Variants in MAPRE3 observed in about 807,000 individuals in gnomAD.
The protein encoded by MAPRE3 is microtubule-associated protein RP/EB family member 3.
In MAPRE3, 2 loss-of-function variants were observed where a neutral mutation model predicts 30.5. The observed-to-expected ratio is 0.07, with a 90% CI of 0.03 to 0.21. The LOEUF is 0.21. Among genes scored for constraint, MAPRE3 ranks in the 10% least tolerant of loss-of-function variants. The probability of loss-of-function intolerance (pLI) is 1.00; values close to 1 mark genes in which losing one functional copy is unlikely to be tolerated. For synonymous variants in MAPRE3, 110 were observed against 127.7 expected (o/e 0.86, Z 0.93); for missense variants, 204 against 351.8 (o/e 0.58, Z 3.36).
chr2:27,018,267 C>T (rs1396051137), intron 1 of MAPRE3, among the ~76,000 whole-genome samples: 1 of 152,220 alleles, frequency 6.6e-6, no homozygotes, highest in Non-Finnish European at 1.5e-5. Flanking sequence ...CACTCTGCCC[C>T]AGGGGCCTCA....
intron 1 of MAPRE3, among the ~76,000 whole-genome samples, chr2:26,993,354 G>A (rs1666389287): frequency 6.6e-6 from 1 of 152,130 alleles, no homozygotes; most frequent in Non-Finnish European, 1.5e-5. Context: ...TGGGCAACAA[G>A]AGTGGAACTC....
intron 1 of MAPRE3, chr2:26,996,883 G>C (rs1160462197): frequency 6.6e-6 from 1 of 152,172 alleles, no homozygotes; most frequent in Non-Finnish European, 1.5e-5. Flanking sequence ...TGGAGGGAAA[G>C]TATCTAGTGA....
chr2:27,009,033 C>G (rs1184064728), intron 1 of MAPRE3, among the ~76,000 whole-genome samples: 1 of 151,338 alleles, frequency 6.6e-6, no homozygotes, highest in East Asian at 1.9e-4. Flanking sequence ...TCTGTGGTGG[C>G]CAGGGGATAG....
chr2:27,022,605 T>G, intron 2 of MAPRE3: 2 of 430,816 alleles, frequency 4.6e-6, no homozygotes, highest in Admixed American at 8.0e-5. Flanking sequence ...AGCATGTTTC[T>G]GTACTAAATA....
chr2:26,996,157 TTTTA>T (rs1666455828), intron 1 of MAPRE3, among the ~76,000 whole-genome samples: 1 of 149,212 alleles, frequency 6.7e-6, no homozygotes, highest in African/African-American at 2.5e-5. Context: ...TTTTATTTTA[TTTTA>T]TTTATTTTTG....
At chr2:26,975,824 A>G (rs543147647) in intron 1 of MAPRE3, among the ~76,000 whole-genome samples, 3 of 152,256 alleles carry the variant, frequency 2.0e-5, no homozygotes, top group African/African-American at 7.2e-5. Flanking sequence ...GACAGCTTCA[A>G]GCAGGCCCAG....
intron 1 of MAPRE3, among the ~76,000 whole-genome samples, chr2:26,981,629 T>C (rs932926893): frequency 1.3e-5 from 2 of 152,192 alleles, no homozygotes; most frequent in Admixed American, 1.3e-4. Flanking sequence ...AGCTGTGCCT[T>C]CCGGGTGTGG....
chr2:26,991,545 T>C (rs573430406), intron 1 of MAPRE3, among the ~76,000 whole-genome samples: 1 of 152,318 alleles, frequency 6.6e-6, no homozygotes, highest in East Asian at 1.9e-4. Context: ...CTACTCCAGT[T>C]CTATCAGCTG....
chr2:26,975,573 G>A (rs1167719654), intron 1 of MAPRE3, among the ~76,000 whole-genome samples: 1 of 152,170 alleles, frequency 6.6e-6, no homozygotes, highest in Non-Finnish European at 1.5e-5. Flanking sequence ...GAAAAGAAAC[G>A]CAATAATGTT....
chr2:27,011,606 G>T (rs1266024284), intron 1 of MAPRE3, among the ~76,000 whole-genome samples: 2 of 152,142 alleles, frequency 1.3e-5, no homozygotes, highest in African/African-American at 4.8e-5. Flanking sequence ...AGCACTTTGG[G>T]AGGCTGAGGC....
chr2:27,001,587 G>C (rs886253221), intron 1 of MAPRE3, among the ~76,000 whole-genome samples: 3 of 152,164 alleles, frequency 2.0e-5, no homozygotes, highest in African/African-American at 7.2e-5. Context: ...AACATAGAAA[G>C]GGTACGGTGA....
At chr2:27,000,069 T>TA (rs1442979022) in intron 1 of MAPRE3, among the ~76,000 whole-genome samples, 1 of 152,196 alleles carries the variant, frequency 6.6e-6, no homozygotes, top group Non-Finnish European at 1.5e-5. Flanking sequence ...TGTTGGTTCT[T>TA]AAAAAATGAC....
chr2:27,022,200 C>A lies in MAPRE3; in HGVS notation c.-7-12C>A. 6.2e-7 allele frequency: 1 copy of A among 1,612,752 alleles called. No homozygotes were observed. Among genetic ancestry groups the A allele is most frequent in the Non-Finnish European group, 8.5e-7 (1 of 1,179,770 alleles). ...CCCCAGTGCTGACCTCACCTTTCTT[C>A]TTGCTTTCCAGCTGGGGTATGGCCG... On this transcript the variant is annotated splice_polypyrimidine_tract_variant and intron_variant, in intron 1 of 6. Transcript: ENST00000233121.
chr2:26,972,499 C>G (rs574220413), intron 1 of MAPRE3, among the ~76,000 whole-genome samples: 1 of 152,148 alleles, frequency 6.6e-6, no homozygotes. Flanking sequence ...TCTTCTGTTT[C>G]GAATGCCAGA....
intron 1 of MAPRE3, among the ~76,000 whole-genome samples, chr2:26,997,603 G>A (rs145530066): frequency 4.0e-4 from 61 of 152,262 alleles, no homozygotes; most frequent in African/African-American, 1.4e-3. Flanking sequence ...GGGAATGCTC[G>A]CTGTTGCTGT....
rs113726096 is a variant in MAPRE3 at position 26,995,991 on chromosome 2, C to T, written c.-8+25189C>T. ...TCATATCTGCCTATCGCCTCTATTC[C>T]TTGTTATCCTCATCAATCTATTTGG... On this transcript the variant is annotated intron_variant, in intron 1 of 6. Coordinates refer to ENST00000233121, the MANE Select transcript of MAPRE3 (RefSeq NM_012326.4). 2.9e-3 allele frequency among the ~76,000 whole-genome samples: 437 copies of T among 151,954 alleles called. 2 individuals are homozygous for T. The highest frequency in any genetic ancestry group is 5.0e-3 in the Non-Finnish European group (341 of 67,950).
intron 1 of MAPRE3, among the ~76,000 whole-genome samples, chr2:27,009,015 G>A (rs1666792051): frequency 6.6e-6 from 1 of 152,004 alleles, no homozygotes; most frequent in Admixed American, 6.6e-5. Context: ...AGAGTAATGG[G>A]GAACAGGTCT....
chr2:27,011,216 A>G (rs1217459875), intron 1 of MAPRE3, among the ~76,000 whole-genome samples: 1 of 151,352 alleles, frequency 6.6e-6, no homozygotes, highest in East Asian at 1.9e-4. Flanking sequence ...AGAATTTCCC[A>G]TTTTCTCCTC....
At chr2:26,973,811 T>A (rs1238433774) in intron 1 of MAPRE3, among the ~76,000 whole-genome samples, 1 of 152,198 alleles carries the variant, frequency 6.6e-6, no homozygotes, top group Non-Finnish European at 1.5e-5. Flanking sequence ...CGCCTCGGCC[T>A]CCCAAAGTGC....
Sources: gnomAD v4.1 joint callset for allele counts (sites outside exome capture counted in the v4.1 genomes callset) on GRCh38, gnomAD v4.1.1 for gene constraint, MANE v1.5 for transcripts, NCBI Gene and HGNC (gene_info 2026-07-23, HGNC 2026-07-21) for gene names.